ASPH: variants seen among roughly 807,000 people sequenced by gnomAD.
ASPH encodes aspartyl/asparaginyl beta-hydroxylase.
A neutral mutation model predicts 118.4 loss-of-function variants in ASPH; 100 were observed. The observed-to-expected ratio is 0.84, with a 90% confidence interval of 0.72 to 1.00. ASPH has a LOEUF of 1.00. ASPH is among the 50% of genes least tolerant of loss of function. The probability of loss-of-function intolerance (pLI) is 0.00; values close to 1 mark genes in which losing one functional copy is unlikely to be tolerated. For synonymous variants in ASPH, 315 were observed against 325.6 expected (o/e 0.97, Z 0.35); for missense variants, 920 against 919.5 (o/e 1.00, Z -0.01).
intron 5 of ASPH, among the ~76,000 whole-genome samples, chr8:61,647,828 CTA>C (rs1379320516): frequency 1.3e-5 from 2 of 152,222 alleles, no homozygotes; most frequent in African/African-American, 4.8e-5. Flanking sequence ...TGATTAACTT[CTA>C]TGATATATTG....
At chr8:61,588,317 GA>G (rs1388934632) in intron 14 of ASPH, among the ~76,000 whole-genome samples, 1 of 152,162 alleles carries the variant, frequency 6.6e-6, no homozygotes, top group Non-Finnish European at 1.5e-5. Context: ...AAACAAAATG[GA>G]AAAGAAGGAA....
At chr8:61,564,777 A>AT (rs752673022) in intron 17 of ASPH, among the ~76,000 whole-genome samples, 62 of 152,322 alleles carry the variant, frequency 4.1e-4, no homozygotes, top group Middle Eastern at 3.4e-3. Flanking sequence ...CTTTAGTCCT[A>AT]TTTTATTTAT....
At chr8:61,624,175 A>ATCTATATCTATATCTG (rs1259952367) in intron 13 of ASPH, 1 of 919,428 alleles carries the variant, frequency 1.1e-6, no homozygotes, top group Non-Finnish European at 1.3e-6. Context: ...CTGTATCGAA[A>ATCTATATCTATATCTG]TATCTCATAT....
chr8:61,628,913 T>C (rs994281365), intron 13 of ASPH, among the ~76,000 whole-genome samples: 11 of 152,106 alleles, frequency 7.2e-5, no homozygotes, highest in Non-Finnish European at 1.3e-4. Context: ...ATAACAACAA[T>C]ATATATATAA....
intron 20 of ASPH, among the ~76,000 whole-genome samples, chr8:61,551,038 G>T (rs17791091): frequency 0.073 from 11,086 of 152,288 alleles, 618 homozygotes; most frequent in East Asian, 0.28. Context: ...CAAGTAAGTT[G>T]TCTCTGTGCC....
At chr8:61,615,959 A>G (rs1390398850) in intron 14 of ASPH, among the ~76,000 whole-genome samples, 2 of 152,220 alleles carry the variant, frequency 1.3e-5, no homozygotes, top group Admixed American at 1.3e-4. Context: ...AATAAAAAAT[A>G]CATGGAATTT....
At chr8:61,520,892 T>C (rs1812711993) in intron 22 of ASPH, among the ~76,000 whole-genome samples, 1 of 152,240 alleles carries the variant, frequency 6.6e-6, no homozygotes. Flanking sequence ...CCAAATGGGT[T>C]GTGTCCCTGA....
chr8:61,512,427 T>C (rs1250270625), intron 24 of ASPH, among the ~76,000 whole-genome samples: 1 of 152,118 alleles, frequency 6.6e-6, no homozygotes, highest in Non-Finnish European at 1.5e-5. Context: ...AAGTGACGTG[T>C]CTATAAACCA....
At chr8:61,562,718 G>C in intron 18 of ASPH, 26 bp downstream of exon 18, 1 of 1,562,198 alleles carries the variant, frequency 6.4e-7, no homozygotes. Flanking sequence ...TTAATTTGAC[G>C]TAGTTAATAC....
intron 24 of ASPH, among the ~76,000 whole-genome samples, chr8:61,505,785 A>T (rs562878029): frequency 7.0e-4 from 106 of 152,354 alleles, no homozygotes; most frequent in Non-Finnish European, 1.4e-3. Flanking sequence ...AAAATGACAG[A>T]ATATGCATTC....
At chr8:61,698,653 C>G (rs146443214) in intron 1 of ASPH, among the ~76,000 whole-genome samples, 104 of 152,280 alleles carry the variant, frequency 6.8e-4, no homozygotes, top group Non-Finnish European at 1.1e-3. Context: ...AATCTTCTAA[C>G]GATGCCTTTG....
chr8:61,659,111 G>A (rs889189818), intron 3 of ASPH: 3 of 152,298 alleles, frequency 2.0e-5, no homozygotes, highest in African/African-American at 7.2e-5. Flanking sequence ...AGCACATTCA[G>A]GAGCACGTTC....
intron 3 of ASPH, among the ~76,000 whole-genome samples, chr8:61,674,244 C>T (rs1415511977): frequency 6.6e-6 from 1 of 151,972 alleles, no homozygotes; most frequent in Non-Finnish European, 1.5e-5. Context: ...GAATTTAAAC[C>T]TAATAAACTT....
intron 13 of ASPH, chr8:61,633,397 C>CA: frequency 4.2e-6 from 1 of 238,168 alleles, no homozygotes; most frequent in Non-Finnish European, 8.1e-6. Context: ...AAGAGGAAAA[C>CA]AAAAAAACTC....
intron 21 of ASPH, among the ~76,000 whole-genome samples, chr8:61,528,086 A>T (rs1340949572): frequency 6.6e-6 from 1 of 152,080 alleles, no homozygotes; most frequent in Non-Finnish European, 1.5e-5. Flanking sequence ...TGCTACTACC[A>T]TTGCCCAGCT....
intron 3 of ASPH, chr8:61,656,741 CCCT>C (rs758547397): frequency 1.1e-4 from 17 of 152,148 alleles, no homozygotes; most frequent in Admixed American, 2.0e-4. Flanking sequence ...ATATAATTGC[CCCT>C]CCAATTTTAA....
At chr8:61,632,577 T>C (rs986835567) in intron 13 of ASPH, 18 of 437,094 alleles carry the variant, frequency 4.1e-5, no homozygotes, top group Non-Finnish European at 7.2e-5. Flanking sequence ...TGCCTAGTAG[T>C]CATCATGTAA....
chr8:61,600,357 A>G (rs1341388444), intron 14 of ASPH, among the ~76,000 whole-genome samples: 2 of 146,322 alleles, frequency 1.4e-5, no homozygotes, highest in African/African-American at 2.8e-5. Flanking sequence ...CTTGTTTAAC[A>G]TAGTATTGGA....
rs1824636905 is a variant in ASPH at position 61,548,299 on chromosome 8, T to TAC, written c.1627-93_1627-92dup. The TAC allele has an allele frequency of 2.2e-6, 3 of 1,380,150 alleles. No individual in the cohort carries two copies. In the African/African-American group the frequency reaches 4.4e-5, roughly 20 times the overall value. The allele number at this position is 1,380,150 out of a possible 1,614,324, so 85.5% of individuals were successfully genotyped here. On this transcript the variant is annotated intron_variant, in intron 20 of 24. Coordinates refer to ENST00000379454, the MANE Select transcript of ASPH (RefSeq NM_004318.4). ...ATTGAAAACATTAAAAATAAGGTAT[T>TAC]ACTTTGACACATTTAAATAAAGAGC...
Sources: allele counts gnomAD v4.1 joint callset (sites outside exome capture counted in the v4.1 genomes callset), GRCh38; gene constraint gnomAD v4.1.1; transcripts MANE v1.5; gene names NCBI Gene and HGNC (gene_info 2026-07-23, HGNC 2026-07-21).